The following TMEM192 variants were observed in gnomAD, a reference collection of about 807,000 sequenced individuals.
The protein encoded by TMEM192 is transmembrane protein 192.
In TMEM192, 20 loss-of-function variants were observed where a neutral mutation model predicts 26.7. The observed-to-expected ratio is 0.75, with a 90% CI of 0.53 to 1.09. The LOEUF is 1.09. Among genes scored for constraint, TMEM192 ranks in the 50% least tolerant of loss-of-function variants. The probability of loss-of-function intolerance (pLI) is 0.00; values close to 1 mark genes in which losing one functional copy is unlikely to be tolerated. For missense variants in TMEM192, 304 were observed against 322.6 expected, an observed-to-expected ratio of 0.94 and a Z score of 0.44; for synonymous variants, 124 against 121.0, an observed-to-expected ratio of 1.02 and a Z score of -0.16.
In TMEM192 at chr4:165,078,098, T is replaced by C. The variant is rs1292310325; in HGVS notation, c.*1560A>G. ...CATCTTTATCTTAGTAGAAAACTTT[T>C]AGAATGCCCCGGCAATGGCTGTATC... is the stretch of plus-strand genomic sequence containing the variant. On this transcript the variant is annotated 3_prime_UTR_variant, in exon 6 of 6. Transcript: ENST00000306480. The C allele has an allele frequency of 1.3e-5, 2 of 152,122 alleles. No homozygotes were observed. Among genetic ancestry groups the C allele is most frequent in the Admixed American group, 6.6e-5 (1 of 15,254 alleles). The allele number at this position is 152,122 out of a possible 1,614,324, so 9.4% of individuals were successfully genotyped here. A position where few individuals can be genotyped will look rare whatever the true frequency, so the allele number is the denominator to read the frequency against.
intron 3 of TMEM192, among the ~76,000 whole-genome samples, chr4:165,091,714 C>G (rs1043099837): frequency 6.6e-6 from 1 of 152,008 alleles, no homozygotes; most frequent in Non-Finnish European, 1.5e-5. Context: ...TTAATAATGG[C>G]CCATAATACA....
intron 5 of TMEM192, among the ~76,000 whole-genome samples, chr4:165,081,026 T>G (rs138190554): frequency 5.7e-4 from 87 of 152,206 alleles, no homozygotes; most frequent in African/African-American, 2.0e-3. Context: ...ATAACCACAT[T>G]ATTTATAAGC....
At position 165,085,588 on chromosome 4, in the gene TMEM192, GA is replaced by G; in HGVS notation, c.674del (p.Phe225SerfsTer7). Reference sequence around the variant, plus strand: ...TTTTATTCTCACCTAAATCTTACCTGAATCCAGTCTCCGAGGTAATATTGCT... The same window carrying G: ...TTTTATTCTCACCTAAATCTTACCTGATCCAGTCTCCGAGGTAATATTGCT... The part of the protein sequence containing the change: ...YPSNITSETG[F>X]RTISSLEEIV... On this transcript the variant is annotated frameshift_variant, in exon 5 of 6. Transcript: ENST00000306480. LOFTEE classifies it low-confidence loss of function (END_TRUNC). The G allele has an allele frequency of 6.2e-7, 1 of 1,600,084 alleles. No homozygotes were observed. Among genetic ancestry groups the G allele is most frequent in the South Asian group, 1.1e-5 (1 of 88,114 alleles).
rs1735076736 is a variant in TMEM192, at chr4:165,103,076, C to T, written c.48G>A (p.Gln16=). The T allele has an allele frequency of 3.1e-6, 5 of 1,611,392 alleles. No individual in the cohort carries two copies. In the African/African-American group the frequency reaches 4.0e-5, roughly 13 times the overall value. ...CCAGAAGTGGGTCGTCTTCAATACT[C>T]TGGGTGATATCCAAGGAACCCTGGG... The part of the protein sequence containing the change: ...RMEDGSLDIT[Q]SIEDDPLLDA... The change falls in exon 2 of 6, where the codon CAG becomes CAA. Residue 16 remains glutamine, a synonymous_variant. Coordinates refer to ENST00000306480, the MANE Select transcript of TMEM192 (RefSeq NM_001100389.2).
intron 4 of TMEM192, among the ~76,000 whole-genome samples, chr4:165,087,294 G>A (rs991766768): frequency 6.6e-5 from 10 of 152,076 alleles, no homozygotes; most frequent in African/African-American, 2.2e-4. Flanking sequence ...GACCTGTTAT[G>A]TGTCTCCTGG....
chr4:165,090,213 G>GGA (rs752886922), intron 3 of TMEM192, among the ~76,000 whole-genome samples: 20,552 of 54,220 alleles, frequency 0.38, 4,327 homozygotes, highest in East Asian at 0.52. Context: ...CTCCGTCTTG[G>GGA]AAAAAAAAAA....
chr4:165,101,070 G>A (rs932516038), intron 2 of TMEM192, among the ~76,000 whole-genome samples, 178 bp from the exon 3 acceptor site: 26 of 144,698 alleles, frequency 1.8e-4, no homozygotes, highest in Middle Eastern at 3.8e-3. Context: ...TCCACCTCCC[G>A]GGTTCACGCC....
intron 3 of TMEM192, among the ~76,000 whole-genome samples, chr4:165,097,052 C>A (rs1734924151): frequency 6.6e-6 from 1 of 152,010 alleles, no homozygotes; most frequent in Non-Finnish European, 1.5e-5. Context: ...CTCATTCTCA[C>A]AAGAGGCAGG....
intron 3 of TMEM192, among the ~76,000 whole-genome samples, chr4:165,089,255 T>TC (rs990028413): frequency 6.6e-6 from 1 of 151,614 alleles, no homozygotes; most frequent in Non-Finnish European, 1.5e-5. Flanking sequence ...CCCCCAACCC[T>TC]CCTGCCATAT....
Position 165,085,716 on chromosome 4 carries a change from G to A in TMEM192, c.575-28C>T, listed in dbSNP as rs766384845. Reference sequence around the variant, plus strand: ...AAAATAATAAAGTCATTATTAGATCGAATTCTGAAAGACAAGTCTAGTTTC... The same window carrying A: ...AAAATAATAAAGTCATTATTAGATCAAATTCTGAAAGACAAGTCTAGTTTC... On this transcript the variant is annotated intron_variant, in intron 4 of 5. Coordinates refer to ENST00000306480, the MANE Select transcript of TMEM192 (RefSeq NM_001100389.2). The A allele has an allele frequency of 1.6e-5, 23 of 1,467,550 alleles. 1 individual carries two copies. The South Asian group carries it at 2.2e-4, about 14-fold the overall frequency. The allele number at this position is 1,467,550 out of a possible 1,614,324, so 90.9% of individuals were successfully genotyped here. A position where few individuals can be genotyped will look rare whatever the true frequency, so the allele number is the denominator to read the frequency against.
chr4:165,091,008 G>A (rs1734749090), intron 3 of TMEM192, among the ~76,000 whole-genome samples: 1 of 151,574 alleles, frequency 6.6e-6, no homozygotes, highest in African/African-American at 2.4e-5. Context: ...GCTCAAGCCT[G>A]TAATCCCAGC....
At chr4:165,093,944 G>T (rs1408091098) in intron 3 of TMEM192, among the ~76,000 whole-genome samples, 2 of 152,054 alleles carry the variant, frequency 1.3e-5, no homozygotes, top group East Asian at 3.9e-4. Context: ...TTGTTGCCCA[G>T]TTGGGAGTGC....
At chr4:165,099,123 G>A (rs79139893) in intron 3 of TMEM192, among the ~76,000 whole-genome samples, 3 of 47,250 alleles carry the variant, frequency 6.3e-5, no homozygotes, top group African/African-American at 1.2e-4. Flanking sequence ...TTTTTTTTTT[G>A]AGATGGGGTC....
chr4:165,082,897 G>A (rs1578899098), intron 5 of TMEM192, among the ~76,000 whole-genome samples: 1 of 38,012 alleles, frequency 2.6e-5, no homozygotes, highest in African/African-American at 4.7e-5. Context: ...CACCACGCCC[G>A]GCTAATTTTT....
At chr4:165,109,016 G>A (rs1578916085) in intron 1 of TMEM192, among the ~76,000 whole-genome samples, 2 of 152,230 alleles carry the variant, frequency 1.3e-5, no homozygotes, top group South Asian at 4.1e-4. Flanking sequence ...TCTGATGTCC[G>A]GTATCTCACA....
rs1458377862 is a variant in TMEM192, at chr4:165,097,410, C to T, written c.439+3218G>A. ...TCGGGAGGCTGAGGCAGGAGAATGG[C>T]CTGAACCCGGGAGGCGGAGCTTGCA... On this transcript the variant is annotated intron_variant, in intron 3 of 5. Transcript: ENST00000306480. Among the ~76,000 whole-genome samples the T allele has an allele frequency of 4.0e-5, 6 of 150,012 alleles. No homozygotes were observed. The Admixed American group carries it at 4.0e-4, about 10-fold the overall frequency.
rs1735029402 is a variant in TMEM192, at chr4:165,101,040, A to C, written c.175-148T>G. On this transcript the variant is annotated intron_variant, in intron 2 of 5. Transcript: ENST00000306480. ...CGCCCAGGCTGGAGTGCAGTGGCGC[A>C]ATCTCGGCTTACTGCAAGCTCCACC... The C allele has an allele frequency of 8.4e-6, 7 of 828,836 alleles. No individual in the cohort carries two copies. In the South Asian group the frequency reaches 1.2e-4, roughly 14 times the overall value. 51.3% of individuals were successfully genotyped at this position (828,836 alleles called of 1,614,324 possible). A position where few individuals can be genotyped will look rare whatever the true frequency, so the allele number is the denominator to read the frequency against.
intron 5 of TMEM192, 49 bp downstream of exon 5, chr4:165,085,537 G>C (rs1476846462): frequency 3.2e-6 from 4 of 1,256,272 alleles, no homozygotes; most frequent in Non-Finnish European, 4.6e-6. Flanking sequence ...ATGGTTTCTA[G>C]CTTTCTAGGG....
intron 5 of TMEM192, among the ~76,000 whole-genome samples, chr4:165,080,411 A>C (rs940887250): frequency 6.6e-6 from 1 of 152,134 alleles, no homozygotes; most frequent in Non-Finnish European, 1.5e-5. Flanking sequence ...TCCTTCCACT[A>C]ATTTAAGATA....
Sources: allele counts gnomAD v4.1 joint callset (sites outside exome capture counted in the v4.1 genomes callset), GRCh38; gene constraint gnomAD v4.1.1; transcripts MANE v1.5; gene names NCBI Gene and HGNC (gene_info 2026-07-23, HGNC 2026-07-21).